The following MAPK10 variants were observed in gnomAD, a reference collection of about 807,000 sequenced individuals.
The protein encoded by MAPK10 is JNK3 alpha protein kinase.
MAPK10 carries 25 observed loss-of-function variants against 59.3 expected under a neutral mutation model. The observed-to-expected ratio is 0.42, with a 90% CI of 0.31 to 0.59. MAPK10 has a LOEUF of 0.59. Ranked by LOEUF, MAPK10 falls within the 20% of genes least tolerant of loss-of-function variation. The pLI, the probability that MAPK10 is intolerant of heterozygous loss-of-function variation, is 0.15. For synonymous variants in MAPK10, 190 were observed against 200.5 expected, an observed-to-expected ratio of 0.95 and a Z score of 0.44; for missense variants, 351 against 568.9, an observed-to-expected ratio of 0.62 and a Z score of 3.90.
chr4:86,074,723 C>A (rs1299707712), intron 9 of MAPK10, among the ~76,000 whole-genome samples: 1 of 142,176 alleles, frequency 7.0e-6, no homozygotes, highest in East Asian at 2.0e-4. Flanking sequence ...ATATTAGCCC[C>A]CACTCTCTTC....
chr4:86,153,997 T>A (rs1020705445), intron 4 of MAPK10, among the ~76,000 whole-genome samples: 5 of 152,118 alleles, frequency 3.3e-5, no homozygotes, highest in African/African-American at 1.2e-4. Context: ...TTTCCACTGG[T>A]CAGGGGCTAA....
At chr4:86,502,926 T>C (rs1460470521) in intron 1 of MAPK10, among the ~76,000 whole-genome samples, 1 of 151,988 alleles carries the variant, frequency 6.6e-6, no homozygotes, top group Non-Finnish European at 1.5e-5. Flanking sequence ...GGATCATCAA[T>C]ATAGACTACA....
At chr4:86,260,689 G>A (rs549304486) in intron 2 of MAPK10, among the ~76,000 whole-genome samples, 2 of 152,180 alleles carry the variant, frequency 1.3e-5, no homozygotes, top group East Asian at 1.9e-4. Flanking sequence ...AAGAAAACAC[G>A]TGACTGGCTT....
intron 1 of MAPK10, among the ~76,000 whole-genome samples, chr4:86,489,125 C>G (rs956323230): frequency 1.3e-5 from 2 of 152,188 alleles, no homozygotes; most frequent in Non-Finnish European, 1.5e-5. Context: ...CAACCCCTAG[C>G]TGACCCAATA....
chr4:86,551,752 G>A (rs928264120), intron 1 of MAPK10, among the ~76,000 whole-genome samples: 1 of 152,010 alleles, frequency 6.6e-6, no homozygotes, highest in Admixed American at 6.6e-5. Context: ...TCACAGGAGG[G>A]CACCACCACA....
intron 13 of MAPK10, chr4:86,024,491 A>G (rs1749144580): frequency 6.6e-6 from 1 of 152,110 alleles, no homozygotes; most frequent in African/African-American, 2.4e-5. Context: ...GCCCCTTATT[A>G]TATGTAGTTT....
intron 2 of MAPK10, among the ~76,000 whole-genome samples, chr4:86,256,807 C>G (rs371923528): frequency 7.4e-6 from 1 of 134,742 alleles, no homozygotes; most frequent in Non-Finnish European, 1.5e-5. Context: ...GTGGCGCGAT[C>G]TCGGCTCACT....
intron 1 of MAPK10, among the ~76,000 whole-genome samples, chr4:86,574,632 T>C (rs1286868976): frequency 6.6e-6 from 1 of 152,214 alleles, no homozygotes; most frequent in Non-Finnish European, 1.5e-5. Flanking sequence ...ATTGTGGTTT[T>C]GATTTGGAGA....
At chr4:86,466,158 C>A (rs905743085) in intron 1 of MAPK10, among the ~76,000 whole-genome samples, 10 of 152,148 alleles carry the variant, frequency 6.6e-5, no homozygotes, top group African/African-American at 2.4e-4. Context: ...ATACCGCCCT[C>A]AAAAACTTAT....
intron 2 of MAPK10, among the ~76,000 whole-genome samples, chr4:86,289,481 T>C (rs918666503): frequency 6.6e-6 from 1 of 151,996 alleles, no homozygotes; most frequent in African/African-American, 2.4e-5. Flanking sequence ...TCTATATTTA[T>C]GTTAATATGC....
chr4:86,434,943 T>C (rs552336601), intron 1 of MAPK10, among the ~76,000 whole-genome samples: 9 of 152,276 alleles, frequency 5.9e-5, no homozygotes, highest in Non-Finnish European at 1.0e-4. Flanking sequence ...ATATACACAA[T>C]GGAATATTGC....
chr4:86,567,144 T>C (rs1375511971), intron 1 of MAPK10, among the ~76,000 whole-genome samples: 1 of 152,198 alleles, frequency 6.6e-6, no homozygotes, highest in Non-Finnish European at 1.5e-5. Context: ...ATTACTTAGA[T>C]TGTATACTGT....
chr4:86,098,742 C>T (rs1212631485), intron 8 of MAPK10, 147 bp from the exon 9 acceptor site: 11 of 658,546 alleles, frequency 1.7e-5, no homozygotes, highest in Admixed American at 9.9e-5. Context: ...AATGTGAATT[C>T]AAACCAGCGC....
intron 1 of MAPK10, among the ~76,000 whole-genome samples, chr4:86,559,767 C>T (rs1296526216): frequency 4.0e-5 from 6 of 151,778 alleles, no homozygotes; most frequent in Non-Finnish European, 8.8e-5. Context: ...GGTGAAACCC[C>T]GTCTCTACTA....
intron 1 of MAPK10, among the ~76,000 whole-genome samples, chr4:86,406,991 A>G (rs1159933075): frequency 6.6e-6 from 1 of 152,144 alleles, no homozygotes; most frequent in Non-Finnish European, 1.5e-5. Context: ...CCCATGTTCC[A>G]CGGGATGGGA....
intron 3 of MAPK10, among the ~76,000 whole-genome samples, chr4:86,181,232 A>G (rs1192539035): frequency 6.6e-6 from 1 of 152,044 alleles, no homozygotes; most frequent in African/African-American, 2.4e-5. Flanking sequence ...GATGAATGGT[A>G]AAATCAATAA....
At chr4:86,281,363 T>G (rs2094796395) in intron 2 of MAPK10, among the ~76,000 whole-genome samples, 1 of 151,920 alleles carries the variant, frequency 6.6e-6, no homozygotes, top group South Asian at 2.1e-4. Context: ...TAGCTGGGTG[T>G]GGTGGTGCAC....
At chr4:86,166,012 G>C (rs148323993) in intron 3 of MAPK10, among the ~76,000 whole-genome samples, 1 of 152,142 alleles carries the variant, frequency 6.6e-6, no homozygotes, top group East Asian at 1.9e-4. Flanking sequence ...AGTAGAGCTG[G>C]TATGGCTTCT....
chr4:86,102,237 A>G (rs1346197812), intron 6 of MAPK10: 1 of 464,724 alleles, frequency 2.2e-6, no homozygotes, highest in Admixed American at 3.5e-5. Context: ...AAAAGCATTT[A>G]TTAATGTCTG....
Sources: allele counts gnomAD v4.1 joint callset (sites outside exome capture counted in the v4.1 genomes callset), GRCh38; gene constraint gnomAD v4.1.1; transcripts MANE v1.5; gene names NCBI Gene and HGNC (gene_info 2026-07-23, HGNC 2026-07-21).